The following RIPOR1 variants were observed in gnomAD, a reference collection of about 807,000 sequenced individuals.
The protein encoded by RIPOR1 is rho family-interacting cell polarization regulator 1.
Under a neutral mutation model 116.5 loss-of-function variants are expected in RIPOR1, and 58 were observed. That is an observed-to-expected ratio of 0.50 (90% confidence interval 0.40 to 0.62). The LOEUF is 0.62. Ranked by LOEUF, RIPOR1 falls within the 20% of genes least tolerant of loss-of-function variation. The probability of loss-of-function intolerance (pLI) is 0.00; values close to 1 mark genes in which losing one functional copy is unlikely to be tolerated. For synonymous variants in RIPOR1, 605 were observed against 650.0 expected (o/e 0.93, Z 1.05); for missense variants, 1,372 against 1,586.2 (o/e 0.86, Z 2.29).
rs1045753895 is a variant in RIPOR1, at chr16:67,543,827, C to T, written c.2600+358C>T. The T allele has an allele frequency of 2.6e-5, 10 of 387,750 alleles. No homozygotes were observed. In the East Asian group the frequency reaches 2.8e-4, roughly 11 times the overall value. The allele number at this position is 387,750 out of a possible 1,614,324, so 24.0% of individuals were successfully genotyped here. A position where few individuals can be genotyped will look rare whatever the true frequency, so the allele number is the denominator to read the frequency against. On this transcript the variant is annotated intron_variant, in intron 14 of 21. Transcript: ENST00000042381. This position sits in a 1 kb window ranked among gnomAD's most constrained non-coding sequence, Gnocchi z 4.7. ...CCTTTAAGGAGCTCTCTCAGTGTCTCGCCGTGCACCCTGGGACCCCAGCAC... is the reference window on the plus strand; with the variant it reads ...CCTTTAAGGAGCTCTCTCAGTGTCTTGCCGTGCACCCTGGGACCCCAGCAC...
Position 67,541,111 on chromosome 16 carries a change from G to C in RIPOR1, c.802-319G>C, listed in dbSNP as rs1391858321. ...TGGCGGGTCTCACTCTGTCACCCAGGTTGGAGTGCAGCAGTGCAATCATAC... is the reference window on the plus strand; with the variant it reads ...TGGCGGGTCTCACTCTGTCACCCAGCTTGGAGTGCAGCAGTGCAATCATAC... On this transcript the variant is annotated intron_variant, in intron 10 of 21. Transcript: ENST00000042381. This position sits in a 1 kb window ranked among gnomAD's most constrained non-coding sequence, Gnocchi z 4.6. 6.6e-6 allele frequency among the ~76,000 whole-genome samples: 1 copy of C among 152,042 alleles called. No homozygotes were observed. Among genetic ancestry groups the C allele is most frequent in the East Asian group, 1.9e-4 (1 of 5,196 alleles).
In RIPOR1 at chr16:67,544,299, G is replaced by C; in HGVS notation, c.2601G>C (p.Arg867Ser). 1 of 1,594,904 alleles carries C rather than the reference G, an allele frequency of 6.3e-7. No individual in the cohort carries two copies. Among genetic ancestry groups the C allele is most frequent in the Non-Finnish European group, 8.6e-7 (1 of 1,165,850 alleles). Residue 867 changes from arginine to serine, a missense_variant and splice_region_variant, in exon 15 of 22, where the codon AGG (arginine) becomes AGC (serine). Physicochemically the swap from Arg to Ser is moderately radical, Grantham distance 110. This residue lies in a region of RIPOR1 where 1,005 missense variants were observed against 1,144.7 expected (regional missense o/e 0.88). Transcript: ENST00000042381. The surrounding 1 kb of genome is among the most constrained non-coding windows in gnomAD (Gnocchi z 5.1). Reference sequence around the variant, plus strand: ...GTGGTGGACCCCATTTTTCCCTCAGGCCTCCAAGCAGCCCGGAGGCTGGGG... The same window carrying C: ...GTGGTGGACCCCATTTTTCCCTCAGCCCTCCAAGCAGCCCGGAGGCTGGGG... ...EDEDNDVPGD[R>S]PPSSPEAGAE... is the part of the protein sequence containing the mutation.
rs773229607 is a variant in RIPOR1 at position 67,538,652 on chromosome 16, G to A, written c.105-20G>A. 6.2e-7 allele frequency: 1 copy of A among 1,611,650 alleles called. No individual in the cohort carries two copies. The highest frequency in any genetic ancestry group is 8.5e-7 in the Non-Finnish European group (1 of 1,179,104). Reference sequence around the variant, plus strand: ...GGGGGACTCCTGCTCTCCTCTTTCTGAGGACAGCCTCTCCTTCAGGAGTTT... The same window carrying A: ...GGGGGACTCCTGCTCTCCTCTTTCTAAGGACAGCCTCTCCTTCAGGAGTTT... On this transcript the variant is annotated intron_variant, in intron 2 of 21. Transcript: ENST00000042381.
Position 67,545,740 on chromosome 16 carries a change from T to A in RIPOR1, c.3267T>A (p.Arg1089=). 6.2e-7 allele frequency: 1 copy of A among 1,609,146 alleles called. No homozygotes were observed. The highest frequency in any genetic ancestry group is 1.1e-5 in the South Asian group (1 of 90,346). Residue 1089 remains arginine, a synonymous_variant, in exon 19 of 22, where the codon CGT becomes CGA. Transcript: ENST00000042381. The surrounding 1 kb of genome is among the most constrained non-coding windows in gnomAD (Gnocchi z 4.8). ...LKALRLAPEG[R]LRRDGLRALS... is the part of the protein sequence containing the mutation. ...CCCTGAGATTGGCGCCCGAGGGGCG[T>A]CTGCGAAGGGACGGGCTGCGGGCCC...
intron 1 of RIPOR1, among the ~76,000 whole-genome samples, chr16:67,519,141 G>A (rs997876832): frequency 1.3e-5 from 2 of 152,168 alleles, no homozygotes; most frequent in East Asian, 1.9e-4. Context: ...ACTACTACGC[G>A]TGCTGATGCA....
At chr16:67,533,514 G>T (rs1394635926) in intron 1 of RIPOR1, among the ~76,000 whole-genome samples, 1 of 151,994 alleles carries the variant, frequency 6.6e-6, no homozygotes, top group Non-Finnish European at 1.5e-5. Flanking sequence ...TTGAAATTCA[G>T]GGGAAGGAAG....
In RIPOR1 at chr16:67,544,718, G is replaced by A; in HGVS notation, c.2757G>A (p.Leu919=). 1.2e-6 allele frequency: 2 copies of A among 1,613,422 alleles called. No homozygotes were observed. Reference sequence around the variant, plus strand: ...AGAAACTGGGCACATTTGGGCCCCTGCGCTGCCAGGAGGCATGGGCCCTGG... The same window carrying A: ...AGAAACTGGGCACATTTGGGCCCCTACGCTGCCAGGAGGCATGGGCCCTGG... ...LLLKLGTFGP[L]RCQEAWALER... is the part of the protein sequence containing the mutation. Residue 919 remains leucine, a synonymous_variant, in exon 16 of 22, where the codon CTG becomes CTA. Transcript: ENST00000042381. This position sits in a 1 kb window ranked among gnomAD's most constrained non-coding sequence, Gnocchi z 5.1.
chr16:67,539,902 A>G lies in RIPOR1; in HGVS notation c.414+3A>G. 8 of 1,614,148 alleles carry G rather than the reference A, an allele frequency of 5.0e-6. No individual in the cohort carries two copies. The highest frequency in any genetic ancestry group is 6.8e-6 in the Non-Finnish European group (8 of 1,180,012). On this transcript the variant is annotated splice_donor_region_variant and intron_variant, in intron 6 of 21. Coordinates refer to ENST00000042381, the MANE Select transcript of RIPOR1 (RefSeq NM_024519.4). Reference sequence around the variant, plus strand: ...GACTGGAGTTCCATGCCAGCAAGGTACGAGTGCAGCATGTGTGCAGAGTGG... The same window carrying G: ...GACTGGAGTTCCATGCCAGCAAGGTGCGAGTGCAGCATGTGTGCAGAGTGG...
Position 67,529,749 on chromosome 16 carries a change from G to A in RIPOR1, c.-24+835G>A. 2 of 1,534,086 alleles carry A rather than the reference G, an allele frequency of 1.3e-6. No individual in the cohort carries two copies. Among genetic ancestry groups the A allele is most frequent in the Non-Finnish European group, 1.7e-6 (2 of 1,146,418 alleles). On this transcript the variant is annotated intron_variant, in intron 1 of 21. Coordinates refer to ENST00000042381, the MANE Select transcript of RIPOR1 (RefSeq NM_024519.4). The surrounding 1 kb of genome is among the most constrained non-coding windows in gnomAD (Gnocchi z 4.1). ...CGCAGCCTCGTGTAACAATACTTGT[G>A]CCCTGGCTGCAGTCTGCGGGGCCGC...
upstream of RIPOR1, among the ~76,000 whole-genome samples, chr16:67,524,971 T>TA (rs1234590976): frequency 2.0e-5 from 3 of 152,160 alleles, no homozygotes; most frequent in African/African-American, 7.2e-5. Flanking sequence ...ACCCCAAGGG[T>TA]AAAATCCTTG....
chr16:67,536,960 G>A (rs2142494358), intron 1 of RIPOR1, among the ~76,000 whole-genome samples: 1 of 152,236 alleles, frequency 6.6e-6, no homozygotes, highest in Admixed American at 6.5e-5. Flanking sequence ...TGGGGGAGAC[G>A]GAGTCTCGCT....
intron 1 of RIPOR1, chr16:67,538,028 T>TG (rs900546203): frequency 2.3e-3 from 439 of 187,068 alleles, no homozygotes; most frequent in African/African-American, 8.5e-3. Flanking sequence ...CCGGGTGCCC[T>TG]GGGGGGGGAA....
Position 67,537,756 on chromosome 16 carries a change from A to G in RIPOR1, c.-23-668A>G, listed in dbSNP as rs2050836290. 6.6e-6 allele frequency among the ~76,000 whole-genome samples: 1 copy of G among 151,504 alleles called. No homozygotes were observed. The highest frequency in any genetic ancestry group is 2.4e-5 in the African/African-American group (1 of 41,170). On this transcript the variant is annotated intron_variant, in intron 1 of 21. Transcript: ENST00000042381. The surrounding 1 kb of genome is among the most constrained non-coding windows in gnomAD (Gnocchi z 4.6). ...GGGTGGAGGCGCACGTCCGTGACTC[A>G]GTTTCCAGGTGGGAGCCTCAGGAAA...
Position 67,545,254 on chromosome 16 carries a change from G to A in RIPOR1, c.3032-122G>A. 3 of 1,508,844 alleles carry A rather than the reference G, an allele frequency of 2.0e-6. No individual in the cohort carries two copies. The highest frequency in any genetic ancestry group is 1.8e-6 in the Non-Finnish European group (2 of 1,112,674). The allele number at this position is 1,508,844 out of a possible 1,614,324, so 93.5% of individuals were successfully genotyped here. A position where few individuals can be genotyped will look rare whatever the true frequency, so the allele number is the denominator to read the frequency against. On this transcript the variant is annotated intron_variant, in intron 17 of 21. Transcript: ENST00000042381. This position sits in a 1 kb window ranked among gnomAD's most constrained non-coding sequence, Gnocchi z 4.8. Reference sequence around the variant, plus strand: ...CAAAGACTTGGGCCTTAGAGCAGAAGGACCCAGATGGGTGGGGTTTGAACA... The same window carrying A: ...CAAAGACTTGGGCCTTAGAGCAGAAAGACCCAGATGGGTGGGGTTTGAACA...
chr16:67,543,177 A>G lies in RIPOR1; in HGVS notation c.2391A>G (p.Leu797=). ...GCCTGGAGGAGGCACTGGGGGCCCT[A>G]ATGGCTGCCCTGGATGACTACCGTG... ...DRSLEEALGA[L]MAALDDYRGQ... The change falls in exon 13 of 22, where the codon CTA becomes CTG. Residue 797 remains leucine (L), a synonymous_variant. Transcript: ENST00000042381. This position sits in a 1 kb window ranked among gnomAD's most constrained non-coding sequence, Gnocchi z 4.7. 6.5e-7 allele frequency: 1 copy of G among 1,542,240 alleles called. No homozygotes were observed. Among genetic ancestry groups the G allele is most frequent in the Non-Finnish European group, 8.7e-7 (1 of 1,144,434 alleles).
Position 67,538,835 on chromosome 16 carries a change from C to A in RIPOR1, c.257+11C>A, listed in dbSNP as rs2050885216. The stretch of plus-strand genomic sequence containing the variant: ...GAAGCGGGGCCTGACGTGAGCAGCT[C>A]CTCTGTTCCCAGCCCTGTCCCGGGA... On this transcript the variant is annotated intron_variant, in intron 3 of 21. Coordinates refer to ENST00000042381, the MANE Select transcript of RIPOR1 (RefSeq NM_024519.4). The A allele has an allele frequency of 1.2e-6, 2 of 1,612,428 alleles. No individual in the cohort carries two copies. Among genetic ancestry groups the A allele is most frequent in the Non-Finnish European group, 8.5e-7 (1 of 1,179,766 alleles).
In RIPOR1 at chr16:67,546,528, A is replaced by G. The variant is rs1250424585; in HGVS notation, c.*65A>G. The stretch of plus-strand genomic sequence containing the variant: ...CTTTCAGGGCTCACCAGGCACTGGC[A>G]GGGAGGGTAAGGGCTGGCTCCAGAT... On this transcript the variant is annotated 3_prime_UTR_variant, in exon 22 of 22. Transcript: ENST00000042381. 2 of 1,318,208 alleles carry G rather than the reference A, an allele frequency of 1.5e-6. No individual in the cohort carries two copies. The highest frequency in any genetic ancestry group is 2.3e-5 in the East Asian group (1 of 42,858). The allele number at this position is 1,318,208 out of a possible 1,614,324, so 81.7% of individuals were successfully genotyped here.
chr16:67,538,553 AC>A lies in RIPOR1; in HGVS notation c.104+4del, dbSNP rs200947620. On this transcript the variant is annotated splice_donor_region_variant and intron_variant, in intron 2 of 21. Coordinates refer to ENST00000042381, the MANE Select transcript of RIPOR1 (RefSeq NM_024519.4). ...GGCAGCCACGAGCGGGGGCCCAGGT[AC>A]GCGGCCGCGCAGGGTTGGTGGGGTC... The A allele has an allele frequency of 0.011, 17,769 of 1,611,646 alleles. 169 individuals carry two copies. The highest frequency in any genetic ancestry group is 0.012 in the Non-Finnish European group (14,033 of 1,178,996).
upstream of RIPOR1, among the ~76,000 whole-genome samples, chr16:67,527,865 A>C: frequency 6.6e-6 from 1 of 151,682 alleles, no homozygotes; most frequent in South Asian, 2.1e-4. Context: ...AAAAAAAAAA[A>C]AAAAAACCCG....
Sources: allele counts gnomAD v4.1 joint callset (sites outside exome capture counted in the v4.1 genomes callset), GRCh38; gene constraint gnomAD v4.1.1; regional missense constraint gnomAD v4.1.1; non-coding constraint Gnocchi (gnomAD v3.1); transcripts MANE v1.5; gene names NCBI Gene and HGNC (gene_info 2026-07-23, HGNC 2026-07-21).